Variants in PKHD1 observed in about 807,000 individuals in gnomAD.
PKHD1 encodes the protein fibrocystin.
In PKHD1, 291 loss-of-function variants were observed where a neutral mutation model predicts 412.0. The ratio of observed to expected loss-of-function variants is 0.71; its 90% CI spans 0.64 to 0.78. PKHD1 has a LOEUF of 0.78. PKHD1 is among the 30% of genes least tolerant of loss of function. The probability of loss-of-function intolerance (pLI) is 0.00; values close to 1 mark genes in which losing one functional copy is unlikely to be tolerated. For synonymous variants in PKHD1, 1,777 were observed against 1,821.5 expected, an observed-to-expected ratio of 0.98 and a Z score of 0.62; for missense variants, 4,825 against 4,950.7, an observed-to-expected ratio of 0.97 and a Z score of 0.76.
chr6:51,766,104 T>C (rs1316874426), intron 55 of PKHD1, among the ~76,000 whole-genome samples: 1 of 152,118 alleles, frequency 6.6e-6, no homozygotes, highest in Admixed American at 6.6e-5. Context: ...GAGTTTTTAC[T>C]TAATATTATA....
At chr6:52,006,327 C>T (rs567665331) in intron 35 of PKHD1, among the ~76,000 whole-genome samples, 8 of 150,958 alleles carry the variant, frequency 5.3e-5, no homozygotes, top group East Asian at 2.0e-4. Flanking sequence ...GGCACCACCA[C>T]GCTGGGCTGA....
At chr6:52,015,885 G>A (rs115295135) in intron 34 of PKHD1, among the ~76,000 whole-genome samples, 604 of 152,198 alleles carry the variant, frequency 4.0e-3, no homozygotes, top group African/African-American at 0.013. Context: ...AGAACATTGA[G>A]CAGCACTATT....
intron 36 of PKHD1, among the ~76,000 whole-genome samples, chr6:51,958,046 A>C (rs1321443489): frequency 6.6e-6 from 1 of 152,134 alleles, no homozygotes; most frequent in Non-Finnish European, 1.5e-5. Flanking sequence ...GTTGAACAAA[A>C]TTTGATCTGT....
chr6:51,738,096 G>A (rs530719732), intron 60 of PKHD1, among the ~76,000 whole-genome samples: 3 of 152,142 alleles, frequency 2.0e-5, no homozygotes, highest in East Asian at 1.9e-4. Flanking sequence ...CCTCACTGTA[G>A]ACAGGTAGCC....
intron 36 of PKHD1, among the ~76,000 whole-genome samples, chr6:51,944,498 C>A (rs1227834243): frequency 3.9e-5 from 6 of 152,164 alleles, no homozygotes; most frequent in Admixed American, 3.3e-4. Context: ...TGACTTCACT[C>A]AGATTCATGA....
intron 36 of PKHD1, among the ~76,000 whole-genome samples, chr6:51,937,870 C>T (rs911759401): frequency 1.4e-4 from 22 of 152,170 alleles, no homozygotes; most frequent in African/African-American, 5.1e-4. Context: ...TCACCATCTT[C>T]GCTTCCTCCA....
intron 35 of PKHD1, among the ~76,000 whole-genome samples, chr6:51,969,943 G>A (rs887328959): frequency 2.0e-5 from 3 of 151,988 alleles, no homozygotes; most frequent in Non-Finnish European, 4.4e-5. Context: ...TTTTCCTTTG[G>A]GTAGATACCC....
intron 35 of PKHD1, among the ~76,000 whole-genome samples, chr6:52,004,145 C>G (rs1202151724): frequency 6.6e-6 from 1 of 152,060 alleles, no homozygotes; most frequent in East Asian, 1.9e-4. Flanking sequence ...AAATATTAGA[C>G]TACTTTATAT....
chr6:52,056,888 AC>A lies in PKHD1; in HGVS notation c.1602+1del, dbSNP rs1554216611. 1 of 1,611,298 alleles carries A rather than the reference AC, an allele frequency of 6.2e-7. No individual in the cohort carries two copies. The highest frequency in any genetic ancestry group is 8.5e-7 in the Non-Finnish European group (1 of 1,177,540). ...CCCTCATTTTTTGAAGAAGTCTCCCACCAGATGGGCTGTGGCATTTGCAGGG... is the reference window on the plus strand; with the variant it reads ...CCCTCATTTTTTGAAGAAGTCTCCCACAGATGGGCTGTGGCATTTGCAGGG... On this transcript the variant is annotated splice_donor_variant, in intron 17 of 66. Coordinates refer to ENST00000371117, the MANE Select transcript of PKHD1 (RefSeq NM_138694.4). LOFTEE classifies it high-confidence loss of function.
At chr6:51,980,613 C>T (rs570655988) in intron 35 of PKHD1, among the ~76,000 whole-genome samples, 1 of 152,312 alleles carries the variant, frequency 6.6e-6, no homozygotes, top group African/African-American at 2.4e-5. Flanking sequence ...CCAAGCATTA[C>T]AATGAGACAG....
At chr6:52,082,310 G>T (rs1351755575) in intron 4 of PKHD1, 82 bp downstream of exon 4, 10 of 1,359,652 alleles carry the variant, frequency 7.4e-6, no homozygotes, top group Non-Finnish European at 1.0e-5. Flanking sequence ...AGCAAAAATT[G>T]CTCTAATATG....
intron 35 of PKHD1, among the ~76,000 whole-genome samples, chr6:51,976,944 T>TAAAAAAAAAAAAAAAAAAAAAAAAAAAA (rs10671492): frequency 1.1e-5 from 1 of 93,546 alleles, no homozygotes; most frequent in African/African-American, 4.6e-5. Flanking sequence ...TGAGACTCCA[T>TAAAAAAAAAAAAAAAAAAAAAAAAAAAA]AAAAAAAAAA....
Position 51,762,661 on chromosome 6 carries a change from A to ATTTT in PKHD1, c.8643-7724_8643-7723insAAAA, listed in dbSNP as rs202091214. 5.6e-3 allele frequency among the ~76,000 whole-genome samples: 425 copies of ATTTT among 75,612 alleles called. 1 individual carries two copies. The highest frequency in any genetic ancestry group is 0.032 in the East Asian group (19 of 588). 49.6% of individuals were successfully genotyped at this position (75,612 alleles called of 152,430 possible). ...TACCATTATTCACATATATATATAT[A>ATTTT]TATATTTTCAGGTATCAAATTCTTT... On this transcript the variant is annotated intron_variant, in intron 55 of 66. Transcript: ENST00000371117.
chr6:51,946,248 T>A (rs1363654124), intron 36 of PKHD1, among the ~76,000 whole-genome samples: 1 of 152,170 alleles, frequency 6.6e-6, no homozygotes, highest in South Asian at 2.1e-4. Flanking sequence ...TAAACAGGAC[T>A]AATTAATTAA....
chr6:51,751,133 A>G (rs1158675494), intron 57 of PKHD1, among the ~76,000 whole-genome samples: 2 of 152,174 alleles, frequency 1.3e-5, no homozygotes, highest in Admixed American at 6.6e-5. Context: ...TTTGAAAATC[A>G]CTACTGAAAA....
Position 51,911,821 on chromosome 6 carries a change from G to A in PKHD1, c.6468C>T (p.Cys2156=), listed in dbSNP as rs766810207. 3 of 1,612,806 alleles carry A rather than the reference G, an allele frequency of 1.9e-6. No homozygotes were observed. The South Asian group carries it at 3.3e-5, about 18-fold the overall frequency. The change falls in exon 39 of 67, where the codon TGC becomes TGT. Residue 2156 remains cysteine, a synonymous_variant. Coordinates refer to ENST00000371117, the MANE Select transcript of PKHD1 (RefSeq NM_138694.4). ...TNEREKLLVS[C]QEANAPEGNL... ...TACCTTCTGGAGCATTGGCCTCCTGGCATGAAACAAGCAGCTTCTCCCTCT... is the reference window on the plus strand; with the variant it reads ...TACCTTCTGGAGCATTGGCCTCCTGACATGAAACAAGCAGCTTCTCCCTCT...
chr6:51,890,090 G>C (rs1255509755), intron 43 of PKHD1, among the ~76,000 whole-genome samples: 1 of 152,066 alleles, frequency 6.6e-6, no homozygotes, highest in East Asian at 1.9e-4. Flanking sequence ...CTACAGTCCA[G>C]GTACTGGATT....
At chr6:51,788,252 AGTT>A (rs1282882704) in intron 53 of PKHD1, among the ~76,000 whole-genome samples, 1 of 151,932 alleles carries the variant, frequency 6.6e-6, no homozygotes, top group African/African-American at 2.4e-5. Context: ...TGGAAAAAGA[AGTT>A]AGTTTAATAT....
intron 48 of PKHD1, among the ~76,000 whole-genome samples, chr6:51,861,766 T>G (rs1041267407): frequency 2.0e-5 from 3 of 152,262 alleles, no homozygotes; most frequent in Non-Finnish European, 4.4e-5. Context: ...AACACTTAAA[T>G]ATTTCTCCTC....
Sources: gnomAD v4.1 joint callset for allele counts (sites outside exome capture counted in the v4.1 genomes callset) on GRCh38, gnomAD v4.1.1 for gene constraint, MANE v1.5 for transcripts, NCBI Gene and HGNC (gene_info 2026-07-23, HGNC 2026-07-21) for gene names.